The following LIX1 variants were observed in gnomAD, a reference collection of about 807,000 sequenced individuals.
The protein encoded by LIX1 is limb and CNS expressed 1.
Under a neutral mutation model 33.4 loss-of-function variants are expected in LIX1, and 24 were observed. That is an observed-to-expected ratio of 0.72 (90% CI 0.52 to 1.01). The LOEUF is 1.01. Among genes scored for constraint, LIX1 ranks in the 50% least tolerant of loss-of-function variants. The pLI is 0.00. For missense variants in LIX1, 311 were observed against 339.2 expected (o/e 0.92, Z 0.65); for synonymous variants, 124 against 124.0 (o/e 1.00, Z 0.00).
At chr5:97,116,667 T>C (rs1747644478) in intron 2 of LIX1, among the ~76,000 whole-genome samples, 1 of 152,102 alleles carries the variant, frequency 6.6e-6, no homozygotes, top group African/African-American at 2.4e-5. Context: ...CTTGAGGTTT[T>C]ATTCCTTTTC....
chr5:97,102,444 G>C (rs1338397569), intron 4 of LIX1, among the ~76,000 whole-genome samples: 2 of 152,066 alleles, frequency 1.3e-5, no homozygotes, highest in Non-Finnish European at 2.9e-5. Flanking sequence ...AAAGGGATGC[G>C]CTCCATAGGC....
rs1027769420 is a variant in LIX1, at chr5:97,108,819, A to G, written c.247-1319T>C. On this transcript the variant is annotated intron_variant, in intron 2 of 5. Transcript: ENST00000274382. ...AGGCTGTCTGATCTCCAAGGCTCCT[A>G]CTACCCAAAATGCATGATTCTCAGA... 2.0e-5 allele frequency among the ~76,000 whole-genome samples: 3 copies of G among 152,204 alleles called. No homozygotes were observed. The East Asian group carries it at 5.8e-4, about 29-fold the overall frequency.
chr5:97,099,927 G>T (rs1232821736), intron 4 of LIX1, among the ~76,000 whole-genome samples: 1 of 152,138 alleles, frequency 6.6e-6, no homozygotes, highest in Non-Finnish European at 1.5e-5. Context: ...CACATATACT[G>T]GATTTATTTT....
chr5:97,112,170 G>C (rs1354278526), intron 2 of LIX1, among the ~76,000 whole-genome samples: 2 of 152,134 alleles, frequency 1.3e-5, no homozygotes, highest in African/African-American at 4.8e-5. Flanking sequence ...TTTTCTCTAG[G>C]GATCTTTTAA....
intron 4 of LIX1, chr5:97,101,909 T>G (rs1170429735): frequency 6.6e-6 from 1 of 152,198 alleles, no homozygotes; most frequent in African/African-American, 2.4e-5. Context: ...AAAGGCGACC[T>G]GGAAAATTTA....
At chr5:97,104,709 G>A (rs774867061) in intron 4 of LIX1, among the ~76,000 whole-genome samples, 7 of 152,146 alleles carry the variant, frequency 4.6e-5, no homozygotes, top group Non-Finnish European at 8.8e-5. Flanking sequence ...AAGAGTTACA[G>A]ATTGTTAATT....
At chr5:97,096,183 C>T (rs949637980) in intron 5 of LIX1, among the ~76,000 whole-genome samples, 2 of 152,078 alleles carry the variant, frequency 1.3e-5, no homozygotes, top group Non-Finnish European at 2.9e-5. Context: ...AGGTGAAAAC[C>T]ATTAAATACA....
chr5:97,138,884 G>C (rs1262165777), intron 1 of LIX1, among the ~76,000 whole-genome samples: 1 of 152,108 alleles, frequency 6.6e-6, no homozygotes, highest in Non-Finnish European at 1.5e-5. Context: ...GTTCATTGAA[G>C]CATTTCAGAT....
intron 2 of LIX1, among the ~76,000 whole-genome samples, chr5:97,112,702 A>G (rs1747463964): frequency 1.3e-5 from 2 of 151,928 alleles, no homozygotes; most frequent in African/African-American, 2.4e-5. Context: ...CCTCATTCAG[A>G]CATTTATTTT....
chr5:97,100,811 TG>T (rs1746653202), intron 4 of LIX1, among the ~76,000 whole-genome samples: 1 of 151,152 alleles, frequency 6.6e-6, no homozygotes, highest in African/African-American at 2.4e-5. Flanking sequence ...TGCTGTGGAA[TG>T]TCCCAGCTAC....
intron 1 of LIX1, among the ~76,000 whole-genome samples, chr5:97,132,717 T>A (rs1748082909): frequency 6.6e-6 from 1 of 152,184 alleles, no homozygotes; most frequent in Non-Finnish European, 1.5e-5. Context: ...GTGCTGCCTG[T>A]GGTGGCTCCA....
chr5:97,134,489 C>G (rs1467611188), intron 1 of LIX1, among the ~76,000 whole-genome samples: 1 of 152,124 alleles, frequency 6.6e-6, no homozygotes, highest in Non-Finnish European at 1.5e-5. Flanking sequence ...TTAATATAAC[C>G]TTTAATTAAA....
intron 1 of LIX1, among the ~76,000 whole-genome samples, chr5:97,127,570 G>C (rs895735109): frequency 1.1e-4 from 16 of 152,128 alleles, no homozygotes; most frequent in African/African-American, 3.6e-4. Context: ...CTTGCCGTTT[G>C]GAATTCCAAA....
At chr5:97,124,343 T>C (rs1747857138) in intron 2 of LIX1, 123 bp downstream of exon 2, 1 of 759,008 alleles carries the variant, frequency 1.3e-6, no homozygotes, top group Non-Finnish European at 2.0e-6. Context: ...TTTTCATTCA[T>C]AGGATATGGT....
chr5:97,097,673 G>A (rs922231205), intron 4 of LIX1, among the ~76,000 whole-genome samples: 8 of 152,106 alleles, frequency 5.3e-5, no homozygotes, highest in African/African-American at 1.9e-4. Context: ...AAAATTTTAA[G>A]CCAAAAAATA....
chr5:97,124,867 T>TA (rs1294299382), intron 1 of LIX1, among the ~76,000 whole-genome samples: 3 of 152,184 alleles, frequency 2.0e-5, no homozygotes, highest in African/African-American at 7.2e-5. Flanking sequence ...CAAATGTGTA[T>TA]ATTTCTTAAT....
At position 97,109,078 on chromosome 5, in the gene LIX1, C is replaced by G. The variant is rs868377649; in HGVS notation, c.247-1578G>C. 2.6e-5 allele frequency among the ~76,000 whole-genome samples: 4 copies of G among 152,284 alleles called. 1 individual carries two copies. Among genetic ancestry groups the G allele is most frequent in the Middle Eastern group, 3.4e-3 (1 of 294 alleles). ...TCTCGTGTCCTCTAGAGACCTGTCT[C>G]TCCTCCCCATCTCCACAAACCTAGT... On this transcript the variant is annotated intron_variant, in intron 2 of 5. Transcript: ENST00000274382.
chr5:97,098,473 A>G (rs316189), intron 4 of LIX1, among the ~76,000 whole-genome samples: 39,803 of 152,126 alleles, frequency 0.26, 5,849 homozygotes, highest in African/African-American at 0.41. Context: ...TCTATTGTGG[A>G]TTAATAGCCT....
intron 3 of LIX1, among the ~76,000 whole-genome samples, chr5:97,105,925 G>A (rs990798446): frequency 3.9e-5 from 6 of 152,204 alleles, no homozygotes; most frequent in Non-Finnish European, 7.3e-5. Context: ...CAGCCCTTCC[G>A]TATCCTATGG....
Sources: gnomAD v4.1 joint callset for allele counts (sites outside exome capture counted in the v4.1 genomes callset) on GRCh38, gnomAD v4.1.1 for gene constraint, MANE v1.5 for transcripts, NCBI Gene and HGNC (gene_info 2026-07-23, HGNC 2026-07-21) for gene names.